LRP1B: variants seen among roughly 807,000 people sequenced by gnomAD.
LRP1B encodes the protein LDL receptor related protein 1B.
LRP1B carries 217 observed loss-of-function variants against 556.6 expected under a neutral mutation model. That is an observed-to-expected ratio of 0.39 (90% CI 0.35 to 0.44). The LOEUF is 0.44. Ranked by LOEUF, LRP1B falls within the 20% of genes least tolerant of loss-of-function variation. The pLI, the probability that LRP1B is intolerant of heterozygous loss-of-function variation, is 1.00. For synonymous variants in LRP1B, 2,047 were observed against 1,865.8 expected (o/e 1.10, Z -2.50); for missense variants, 5,053 against 5,620.8 (o/e 0.90, Z 3.23).
At chr2:140,648,588 T>C (rs10496850) in intron 41 of LRP1B, among the ~76,000 whole-genome samples, 9,426 of 151,516 alleles carry the variant, frequency 0.062, 337 homozygotes, top group Admixed American at 0.079. Context: ...ATAAGAAAAA[T>C]GTTGATAAGT....
chr2:140,248,911 GAA>G (rs1017918172), intron 86 of LRP1B, among the ~76,000 whole-genome samples: 1 of 150,758 alleles, frequency 6.6e-6, no homozygotes, highest in African/African-American at 2.4e-5. Flanking sequence ...ATGCTCCACT[GAA>G]AAACTAATCC....
intron 1 of LRP1B, among the ~76,000 whole-genome samples, chr2:141,860,539 TAGTTAATGA>T (rs888083905): frequency 2.6e-5 from 4 of 152,166 alleles, no homozygotes; most frequent in African/African-American, 9.6e-5. Flanking sequence ...ACCACTTTTC[TAGTTAATGA>T]AGTTAATGAC....
At chr2:141,381,572 C>T (rs1168085872) in intron 3 of LRP1B, among the ~76,000 whole-genome samples, 1 of 151,192 alleles carries the variant, frequency 6.6e-6, no homozygotes, top group Non-Finnish European at 1.5e-5. Context: ...AATACAAATA[C>T]AAAAGAACCC....
chr2:140,312,103 G>A (rs1174088761), intron 83 of LRP1B, among the ~76,000 whole-genome samples: 2 of 151,908 alleles, frequency 1.3e-5, no homozygotes, highest in East Asian at 1.9e-4. Flanking sequence ...GTCCTCAGAT[G>A]TGGTGGCAGA....
intron 3 of LRP1B, among the ~76,000 whole-genome samples, chr2:141,412,648 A>G (rs140965331): frequency 1.3e-5 from 2 of 152,318 alleles, no homozygotes; most frequent in African/African-American, 4.8e-5. Context: ...TTTATAACGT[A>G]CAATGCAACA....
intron 66 of LRP1B, among the ~76,000 whole-genome samples, chr2:140,405,812 T>G (rs1684707738): frequency 6.6e-6 from 1 of 152,024 alleles, no homozygotes; most frequent in Admixed American, 6.6e-5. Flanking sequence ...CACCAAAATA[T>G]TGAGAAAGAT....
chr2:140,309,471 G>T (rs528058699), intron 83 of LRP1B, among the ~76,000 whole-genome samples: 3 of 151,812 alleles, frequency 2.0e-5, no homozygotes, highest in Middle Eastern at 3.4e-3. Flanking sequence ...GAATAGTCTG[G>T]TATTGCTCTC....
chr2:140,581,795 C>T (rs533761233), intron 43 of LRP1B, among the ~76,000 whole-genome samples: 15 of 152,236 alleles, frequency 9.9e-5, no homozygotes, highest in African/African-American at 3.6e-4. Flanking sequence ...GTATTTTTCT[C>T]TCTCTTTCAT....
At chr2:140,873,302 A>G (rs762966012) in intron 25 of LRP1B, among the ~76,000 whole-genome samples, 2 of 152,118 alleles carry the variant, frequency 1.3e-5, no homozygotes, top group East Asian at 1.9e-4. Flanking sequence ...TAAGACATTA[A>G]TATTATTTTA....
chr2:140,627,898 A>C (rs1040562574), intron 41 of LRP1B, among the ~76,000 whole-genome samples: 2 of 151,844 alleles, frequency 1.3e-5, no homozygotes, highest in African/African-American at 4.9e-5. Flanking sequence ...AACGAAAAAA[A>C]CTTTGACAAA....
chr2:140,363,655 G>T (rs1053410369), intron 72 of LRP1B, among the ~76,000 whole-genome samples: 1 of 151,172 alleles, frequency 6.6e-6, no homozygotes, highest in Non-Finnish European at 1.5e-5. Context: ...ATAATGAGTT[G>T]TATCTATAGA....
At chr2:140,462,141 T>C (rs1307229433) in intron 60 of LRP1B, among the ~76,000 whole-genome samples, 1 of 152,186 alleles carries the variant, frequency 6.6e-6, no homozygotes, top group East Asian at 1.9e-4. Flanking sequence ...CATTAAATCC[T>C]ACTATCTTTT....
chr2:140,420,062 T>C (rs1221025324), intron 66 of LRP1B, among the ~76,000 whole-genome samples: 1 of 117,796 alleles, frequency 8.5e-6, no homozygotes, highest in African/African-American at 3.1e-5. Context: ...TAGAACTGAG[T>C]GAAAATAAAA....
intron 66 of LRP1B, among the ~76,000 whole-genome samples, chr2:140,403,887 G>A (rs1241206962): frequency 6.6e-6 from 1 of 152,068 alleles, no homozygotes; most frequent in African/African-American, 2.4e-5. Flanking sequence ...AAAGCATCAG[G>A]TAGCATAAAG....
intron 1 of LRP1B, among the ~76,000 whole-genome samples, chr2:141,938,077 A>C (rs1365524019): frequency 1.3e-5 from 2 of 152,016 alleles, no homozygotes; most frequent in African/African-American, 4.8e-5. Flanking sequence ...CCAGTACCAT[A>C]CCCTTTTGAT....
intron 5 of LRP1B, among the ~76,000 whole-genome samples, chr2:141,244,527 A>T (rs1470302748): frequency 2.0e-5 from 3 of 152,158 alleles, no homozygotes; most frequent in Non-Finnish European, 4.4e-5. Context: ...GAGACTTAAG[A>T]TGAACCTGGC....
rs1491148843 is a variant in LRP1B, at chr2:140,766,844, T to TATATATATATA, written c.5758+2368_5758+2369insTATATATATAT. 1.1e-3 allele frequency among the ~76,000 whole-genome samples: 59 copies of TATATATATATA among 54,920 alleles called. 1 individual carries two copies. Among genetic ancestry groups the TATATATATATA allele is most frequent in the East Asian group, 8.8e-3 (15 of 1,714 alleles). The allele number at this position is 54,920 out of a possible 152,430, so 36.0% of individuals were successfully genotyped here. ...TAAAATATATATATATATATATATATTATATATATATATATATATATAATA... is the reference window on the plus strand; with the variant it reads ...TAAAATATATATATATATATATATATATATATATATATATATATATATATATATATATAATA... On this transcript the variant is annotated intron_variant, in intron 35 of 90. Transcript: ENST00000389484.
chr2:141,762,728 G>T (rs570361443), intron 2 of LRP1B, among the ~76,000 whole-genome samples: 1 of 151,932 alleles, frequency 6.6e-6, no homozygotes, highest in Admixed American at 6.6e-5. Context: ...GGATAAGAAG[G>T]GTCATTACTT....
chr2:141,160,341 T>C (rs1679961097), intron 7 of LRP1B, among the ~76,000 whole-genome samples: 1 of 152,120 alleles, frequency 6.6e-6, no homozygotes, highest in Non-Finnish European at 1.5e-5. Context: ...CTCATAAAGT[T>C]GGTCATTTTA....
Sources: gnomAD v4.1 joint callset for allele counts (sites outside exome capture counted in the v4.1 genomes callset) on GRCh38, gnomAD v4.1.1 for gene constraint, MANE v1.5 for transcripts, NCBI Gene and HGNC (gene_info 2026-07-23, HGNC 2026-07-21) for gene names.